LHX4: variants seen among roughly 807,000 people sequenced by gnomAD.
The protein encoded by LHX4 is LIM homeobox 4.
A neutral mutation model predicts 39.2 loss-of-function variants in LHX4; 16 were observed. That is an observed-to-expected ratio of 0.41 (90% CI 0.28 to 0.62). LHX4 has a LOEUF of 0.62. Ranked by LOEUF, LHX4 falls within the 20% of genes least tolerant of loss-of-function variation. The probability of loss-of-function intolerance (pLI) is 0.33; values close to 1 mark genes in which losing one functional copy is unlikely to be tolerated. For missense variants in LHX4, 439 were observed against 511.9 expected (o/e 0.86, Z 1.37); for synonymous variants, 206 against 198.1 (o/e 1.04, Z -0.33).
rs180725260 is a variant in LHX4, at chr1:180,274,698, T to C, written c.*119T>C. The C allele has an allele frequency of 1.8e-3, 2,169 of 1,221,792 alleles. 4 individuals are homozygous for C. The highest frequency in any genetic ancestry group is 2.2e-3 in the Non-Finnish European group (1,945 of 883,964). The allele number at this position is 1,221,792 out of a possible 1,614,324, so 75.7% of individuals were successfully genotyped here. ...CAATGTGAATTTCCATTATTTTCAA[T>C]GGAAGTCCTCCGCTGATTCCTAGAA... On this transcript the variant is annotated 3_prime_UTR_variant, in exon 6 of 6. Coordinates refer to ENST00000263726, the MANE Select transcript of LHX4 (RefSeq NM_033343.4).
chr1:180,275,168 A>AGAT lies in LHX4; in HGVS notation c.*590_*592dup, dbSNP rs1215978921. 6.6e-6 allele frequency: 1 copy of AGAT among 152,264 alleles called. No homozygotes were observed. Among genetic ancestry groups the AGAT allele is most frequent in the Non-Finnish European group, 1.5e-5 (1 of 68,078 alleles). 9.4% of individuals were successfully genotyped at this position (152,264 alleles called of 1,614,324 possible). ...CCCTCCTTTTTTATTTTTGCTGTGA[A>AGAT]GATATGAATTCTTTCCTACAAACCA... On this transcript the variant is annotated 3_prime_UTR_variant, in exon 6 of 6. Coordinates refer to ENST00000263726, the MANE Select transcript of LHX4 (RefSeq NM_033343.4).
chr1:180,255,787 G>T (rs868086054), intron 2 of LHX4, among the ~76,000 whole-genome samples: 5 of 152,266 alleles, frequency 3.3e-5, no homozygotes, highest in African/African-American at 1.2e-4. Flanking sequence ...CTCCCCGAGT[G>T]GGGCCTGGGG....
rs1235582248 is a variant in LHX4 at position 180,248,533 on chromosome 1, A to C, written c.248+77A>C. Reference sequence around the variant, plus strand: ...AAGCAGTGAGGGGGAAGTTTGCAGCAGGGTAGGCCAGGGAGGGTGGAGAGT... The same window carrying C: ...AAGCAGTGAGGGGGAAGTTTGCAGCCGGGTAGGCCAGGGAGGGTGGAGAGT... On this transcript the variant is annotated intron_variant, in intron 2 of 5. Coordinates refer to ENST00000263726, the MANE Select transcript of LHX4 (RefSeq NM_033343.4). 4 of 1,505,456 alleles carry C rather than the reference A, an allele frequency of 2.7e-6. No homozygotes were observed. In the African/African-American group the frequency reaches 5.5e-5, roughly 21 times the overall value. 93.3% of individuals were successfully genotyped at this position (1,505,456 alleles called of 1,614,324 possible).
At chr1:180,231,187 G>GT (rs1664168873) in intron 1 of LHX4, among the ~76,000 whole-genome samples, 1 of 151,952 alleles carries the variant, frequency 6.6e-6, no homozygotes, top group Admixed American at 6.5e-5. Context: ...ACTGCTCCTT[G>GT]TGAGGGAATC....
chr1:180,257,855 A>G (rs1647924776), intron 2 of LHX4, among the ~76,000 whole-genome samples: 2 of 152,308 alleles, frequency 1.3e-5, no homozygotes, highest in Non-Finnish European at 2.9e-5. Context: ...AGCCAAGAGT[A>G]AGGAAGACAT....
chr1:180,265,279 C>CA (rs1648265564), intron 2 of LHX4, among the ~76,000 whole-genome samples: 1 of 152,220 alleles, frequency 6.6e-6, no homozygotes, highest in Non-Finnish European at 1.5e-5. Context: ...TGTGAAATGT[C>CA]ATGAATAATT....
intron 1 of LHX4, among the ~76,000 whole-genome samples, chr1:180,247,799 A>G (rs1038674192): frequency 1.3e-5 from 2 of 151,866 alleles, no homozygotes; most frequent in African/African-American, 4.8e-5. Flanking sequence ...CCCACACCAT[A>G]TTTATCATTT....
At chr1:180,264,206 C>T (rs139531608) in intron 2 of LHX4, among the ~76,000 whole-genome samples, 306 of 152,300 alleles carry the variant, frequency 2.0e-3, no homozygotes, top group African/African-American at 6.6e-3. Flanking sequence ...CCTGCCTCAG[C>T]CTCCCAAAGT....
At position 180,266,930 on chromosome 1, in the gene LHX4, T is replaced by C. The variant is rs1571283999; in HGVS notation, c.451+336T>C. On this transcript the variant is annotated intron_variant, in intron 3 of 5. Transcript: ENST00000263726. This position sits in a 1 kb window ranked among gnomAD's most constrained non-coding sequence, Gnocchi z 5.7. ...GGGTGGAGGCTGGGGTGCTGAGGGGTGGCTGGGAGCTTGGTCTGTATTGGA... is the reference window on the plus strand; with the variant it reads ...GGGTGGAGGCTGGGGTGCTGAGGGGCGGCTGGGAGCTTGGTCTGTATTGGA... Among the ~76,000 whole-genome samples, 1 of 151,998 alleles carries C rather than the reference T, an allele frequency of 6.6e-6. No homozygotes were observed. The highest frequency in any genetic ancestry group is 6.6e-5 in the Admixed American group (1 of 15,260).
chr1:180,264,378 A>AACACACACACACACACACACACAC (rs10561933), intron 2 of LHX4, among the ~76,000 whole-genome samples: 2,867 of 145,322 alleles, frequency 0.02, 65 homozygotes, highest in South Asian at 0.027. Flanking sequence ...ACACACACAT[A>AACACACACACACACACACACACAC]ACACACACAC....
At chr1:180,252,782 A>T (rs1260653142) in intron 2 of LHX4, among the ~76,000 whole-genome samples, 1 of 152,188 alleles carries the variant, frequency 6.6e-6, no homozygotes, top group East Asian at 1.9e-4. Flanking sequence ...AGCCTTCCAC[A>T]GGGGCATGTG....
At chr1:180,260,315 G>C (rs1457578538) in intron 2 of LHX4, among the ~76,000 whole-genome samples, 1 of 151,802 alleles carries the variant, frequency 6.6e-6, no homozygotes, top group African/African-American at 2.4e-5. Context: ...TTACCATCAG[G>C]AATGTGCCAG....
chr1:180,230,543 C>T lies in LHX4; in HGVS notation c.14C>T (p.Ala5Val), dbSNP rs1664151310. 2 of 1,613,722 alleles carry T rather than the reference C, an allele frequency of 1.2e-6. No homozygotes were observed. The highest frequency in any genetic ancestry group is 1.7e-6 in the Non-Finnish European group (2 of 1,179,858). Residue 5 changes from alanine to valine, a missense_variant, in exon 1 of 6, where the codon GCG becomes GTG. By Grantham distance (64) the Ala-to-Val change is moderately conservative (BLOSUM62 0). Coordinates refer to ENST00000263726, the MANE Select transcript of LHX4 (RefSeq NM_033343.4). This position sits in a 1 kb window ranked among gnomAD's most constrained non-coding sequence, Gnocchi z 5.8. MMQS[A>V]TVPAEGAVKG... ...TTTCGCTCCGAGATGATGCAGAGTG[C>T]GACTGTCCCCGCGGAAGGGGCTGTC...
At chr1:180,271,759 C>T (rs1349575608) in intron 4 of LHX4, 76 bp from the exon 5 acceptor site, 2 of 1,553,970 alleles carry the variant, frequency 1.3e-6, no homozygotes, top group South Asian at 2.2e-5. Context: ...CTTCCAGCCG[C>T]CCGCCTAGGG....
chr1:180,267,382 G>A (rs762984860), intron 3 of LHX4, among the ~76,000 whole-genome samples: 4 of 152,262 alleles, frequency 2.6e-5, no homozygotes, highest in Non-Finnish European at 5.9e-5. Context: ...TGGCGGCAGC[G>A]GCTCTCGCCC....
intron 3 of LHX4, chr1:180,270,979 C>G (rs117488686): frequency 6.4e-6 from 2 of 310,690 alleles, no homozygotes; most frequent in African/African-American, 4.3e-5. Context: ...TCTGGGGCGA[C>G]TTTGAACATG....
intron 1 of LHX4, among the ~76,000 whole-genome samples, chr1:180,247,240 CT>C (rs1156883813): frequency 3.3e-5 from 5 of 152,250 alleles, no homozygotes; most frequent in African/African-American, 1.2e-4. Context: ...AGAAACAGAC[CT>C]CAGATAGGAA....
chr1:180,240,668 G>A (rs148078085), intron 1 of LHX4, among the ~76,000 whole-genome samples: 7 of 152,350 alleles, frequency 4.6e-5, no homozygotes, highest in East Asian at 3.9e-4. Flanking sequence ...ATGAAGAAAC[G>A]TGAGTGGGGA....
At chr1:180,235,603 G>A (rs916370005) in intron 1 of LHX4, among the ~76,000 whole-genome samples, 1 of 152,248 alleles carries the variant, frequency 6.6e-6, no homozygotes, top group Non-Finnish European at 1.5e-5. Context: ...CGCGCGTTCT[G>A]CGGGTGTTCG....
Sources: gnomAD v4.1 joint callset for allele counts (sites outside exome capture counted in the v4.1 genomes callset) on GRCh38, gnomAD v4.1.1 for gene constraint, Gnocchi (gnomAD v3.1) non-coding constraint, MANE v1.5 for transcripts, NCBI Gene and HGNC (gene_info 2026-07-23, HGNC 2026-07-21) for gene names.